The following RBFOX1 variants were observed in gnomAD, a reference collection of about 807,000 sequenced individuals.
RBFOX1 encodes RNA binding fox-1 homolog 1, also known as RNA binding protein fox-1 homolog 1.
RBFOX1 carries 8 observed loss-of-function variants against 57.7 expected under a neutral mutation model. The observed-to-expected ratio is 0.14, with a 90% CI of 0.08 to 0.25. The LOEUF is 0.25. Ranked by LOEUF, RBFOX1 falls within the 10% of genes least tolerant of loss-of-function variation. The pLI is 1.00. For missense variants in RBFOX1, 611 were observed against 548.5 expected (o/e 1.11, Z -1.14); for synonymous variants, 326 against 222.4 (o/e 1.47, Z -4.15).
chr16:7,690,910 G>A (rs1197794341), intron 14 of RBFOX1, among the ~76,000 whole-genome samples: 1 of 152,034 alleles, frequency 6.6e-6, no homozygotes, highest in Admixed American at 6.6e-5. Context: ...TTCTTCTGTT[G>A]TCCTGACACT....
Position 6,894,792 on chromosome 16 carries a change from GT to G in RBFOX1, c.-15-157262del, listed in dbSNP as rs2066359421. Among the ~76,000 whole-genome samples the G allele has an allele frequency of 2.0e-5, 3 of 152,134 alleles. No homozygotes were observed. In the South Asian group the frequency reaches 6.2e-4, roughly 32 times the overall value. On this transcript the variant is annotated intron_variant, in intron 3 of 15. Coordinates refer to ENST00000550418, the MANE Select transcript of RBFOX1 (RefSeq NM_018723.4). ...TATCTTAAAAAGCCATTTTCCCTGTGTTTGTAATTGTATTTTATCATTTTAG... is the reference window on the plus strand; with the variant it reads ...TATCTTAAAAAGCCATTTTCCCTGTGTTGTAATTGTATTTTATCATTTTAG...
chr16:6,762,954 C>G (rs1443842865), intron 3 of RBFOX1, among the ~76,000 whole-genome samples: 2 of 151,994 alleles, frequency 1.3e-5, no homozygotes, highest in African/African-American at 4.8e-5. Flanking sequence ...TAGGAGTTCC[C>G]CAAATGAAGA....
intron 2 of RBFOX1, among the ~76,000 whole-genome samples, chr16:6,586,756 A>T (rs1250786569): frequency 6.6e-6 from 1 of 152,180 alleles, no homozygotes; most frequent in African/African-American, 2.4e-5. Context: ...GTTCAGGATA[A>T]GTCCCGGCCA....
At chr16:7,566,959 CAT>C (rs1322644813) in intron 5 of RBFOX1, among the ~76,000 whole-genome samples, 1 of 151,710 alleles carries the variant, frequency 6.6e-6, no homozygotes, top group Non-Finnish European at 1.5e-5. Context: ...GATTAAGAAA[CAT>C]GTATTTACAG....
intron 2 of RBFOX1, among the ~76,000 whole-genome samples, chr16:6,535,378 A>G (rs750960211): frequency 2.0e-4 from 31 of 152,306 alleles, no homozygotes; most frequent in South Asian, 1.5e-3. Context: ...GTCATGGACG[A>G]AGATTCACTA....
At chr16:6,521,802 C>T (rs1200906466) in intron 2 of RBFOX1, among the ~76,000 whole-genome samples, 1 of 152,004 alleles carries the variant, frequency 6.6e-6, no homozygotes, top group South Asian at 2.1e-4. Context: ...ATTCTTAAAG[C>T]TAAATAGTGA....
chr16:6,164,961 A>T (rs939476995), intron 1 of RBFOX1, among the ~76,000 whole-genome samples: 3 of 152,140 alleles, frequency 2.0e-5, no homozygotes, highest in African/African-American at 7.2e-5. Context: ...AGTTCAATAG[A>T]TCTCAATATG....
intron 1 of RBFOX1, among the ~76,000 whole-genome samples, chr16:5,457,338 T>C (rs541736647): frequency 1.3e-5 from 2 of 152,328 alleles, no homozygotes; most frequent in East Asian, 3.9e-4. Flanking sequence ...TTTCACCATG[T>C]TGGCCAGGCT....
chr16:5,834,093 G>A lies in RBFOX1; in HGVS notation c.319-33210G>A, dbSNP rs562421215. Reference sequence around the variant, plus strand: ...TTAGGTAGGCTTAGTTGCAGAGGTCGTCTGTGAATTCTGCTTATTTTAAGA... The same window carrying A: ...TTAGGTAGGCTTAGTTGCAGAGGTCATCTGTGAATTCTGCTTATTTTAAGA... On this transcript the variant is annotated intron_variant, in intron 3 of 19. Transcript: ENST00000641259. 2.7e-3 allele frequency among the ~76,000 whole-genome samples: 408 copies of A among 152,310 alleles called. 3 individuals carry two copies. Among genetic ancestry groups the A allele is most frequent in the African/African-American group, 9.0e-3 (376 of 41,574 alleles).
At chr16:6,825,741 C>T (rs1385207365) in intron 3 of RBFOX1, among the ~76,000 whole-genome samples, 1 of 152,012 alleles carries the variant, frequency 6.6e-6, no homozygotes, top group Non-Finnish European at 1.5e-5. Flanking sequence ...GCAGTCGATG[C>T]CAGGGACACG....
At chr16:6,655,421 C>G (rs1201014357) in intron 3 of RBFOX1, among the ~76,000 whole-genome samples, 1 of 139,076 alleles carries the variant, frequency 7.2e-6, no homozygotes, top group East Asian at 2.1e-4. Context: ...CGCTCAATTT[C>G]CATCACAACA....
At chr16:7,469,811 A>G (rs2061231627) in intron 4 of RBFOX1, among the ~76,000 whole-genome samples, 1 of 152,148 alleles carries the variant, frequency 6.6e-6, no homozygotes, top group Non-Finnish European at 1.5e-5. Flanking sequence ...TGAAACTGAA[A>G]TTCTGTCCCC....
At chr16:6,521,170 A>C (rs1050974530) in intron 2 of RBFOX1, among the ~76,000 whole-genome samples, 1 of 152,160 alleles carries the variant, frequency 6.6e-6, no homozygotes, top group African/African-American at 2.4e-5. Flanking sequence ...TGGGAGAAGA[A>C]AAATACCTAA....
intron 2 of RBFOX1, among the ~76,000 whole-genome samples, chr16:6,449,010 G>A (rs2094540453): frequency 6.6e-6 from 1 of 152,160 alleles, no homozygotes; most frequent in Non-Finnish European, 1.5e-5. Context: ...CATTGAAAAA[G>A]AAGGTAGCAG....
At chr16:5,379,185 A>C (rs916451690) in intron 1 of RBFOX1, among the ~76,000 whole-genome samples, 1 of 151,716 alleles carries the variant, frequency 6.6e-6, no homozygotes, top group Admixed American at 6.5e-5. Context: ...ATCTCAAGGC[A>C]CTGACGGGGA....
chr16:7,289,348 A>T (rs2095713738), intron 4 of RBFOX1, among the ~76,000 whole-genome samples: 1 of 151,686 alleles, frequency 6.6e-6, no homozygotes. Context: ...ACATTGCCTT[A>T]CTTTTGTGTT....
chr16:7,420,789 C>T lies in RBFOX1; in HGVS notation c.28-97358C>T, dbSNP rs117078608. On this transcript the variant is annotated intron_variant, in intron 4 of 15. Transcript: ENST00000550418. ...TGATCTTTTTTTTTTCTTATAAGATCTGTTCTCTATAGCCTGTGGTACTGA... is the reference window on the plus strand; with the variant it reads ...TGATCTTTTTTTTTTCTTATAAGATTTGTTCTCTATAGCCTGTGGTACTGA... Among the ~76,000 whole-genome samples the T allele has an allele frequency of 6.2e-3, 932 of 150,144 alleles. 7 individuals carry two copies. Among genetic ancestry groups the T allele is most frequent in the South Asian group, 0.033 (156 of 4,748 alleles).
chr16:6,106,613 G>T (rs1021810304), intron 1 of RBFOX1, among the ~76,000 whole-genome samples: 9 of 152,090 alleles, frequency 5.9e-5, no homozygotes. Context: ...ATTGCCAAGG[G>T]GTATGGTCCA....
At chr16:6,087,288 AGTTTT>A (rs1398732386) in intron 1 of RBFOX1, among the ~76,000 whole-genome samples, 5 of 152,204 alleles carry the variant, frequency 3.3e-5, no homozygotes, top group Admixed American at 2.6e-4. Flanking sequence ...GTCTGTCCAG[AGTTTT>A]GTGCCTTCGA....
Sources: allele counts gnomAD v4.1 joint callset (sites outside exome capture counted in the v4.1 genomes callset), GRCh38; gene constraint gnomAD v4.1.1; transcripts MANE v1.5; gene names NCBI Gene and HGNC (gene_info 2026-07-23, HGNC 2026-07-21).